Variants in GPD2 observed in about 807,000 individuals in gnomAD.
The protein encoded by GPD2 is glycerol-3-phosphate dehydrogenase 2.
In GPD2, 54 loss-of-function variants were observed where a neutral mutation model predicts 82.4. The observed-to-expected ratio is 0.66, with a 90% confidence interval of 0.53 to 0.82. GPD2 has a LOEUF of 0.82. Ranked by LOEUF, GPD2 falls within the 40% of genes least tolerant of loss-of-function variation. The pLI, the probability that GPD2 is intolerant of heterozygous loss-of-function variation, is 0.00. For synonymous variants in GPD2, 288 were observed against 306.1 expected (o/e 0.94, Z 0.62); for missense variants, 748 against 896.2 (o/e 0.83, Z 2.11).
chr2:156,537,019 G>A (rs1475875770), intron 6 of GPD2, among the ~76,000 whole-genome samples: 2 of 152,176 alleles, frequency 1.3e-5, no homozygotes, highest in South Asian at 2.1e-4. Context: ...ACAGATATGA[G>A]CAGAGTTCTA....
rs568568573 is a variant in GPD2, at chr2:156,478,700, C to T, written c.102+2493C>T. On this transcript the variant is annotated intron_variant, in intron 2 of 16. Coordinates refer to ENST00000438166, the MANE Select transcript of GPD2 (RefSeq NM_000408.5). ...AAAAAAAAATCTGCCCTTTGAGATA[C>T]ATTAATTGGCTACACTTTTGTTTGT... Among the ~76,000 whole-genome samples the T allele has an allele frequency of 3.9e-5, 6 of 152,194 alleles. No homozygotes were observed. In the South Asian group the frequency reaches 8.3e-4, roughly 21 times the overall value.
the GPD2 span, among the ~76,000 whole-genome samples, chr2:156,425,854 G>A: frequency 3.3e-5 from 5 of 151,698 alleles, no homozygotes; most frequent in African/African-American, 7.3e-5. Flanking sequence ...CCGGGTGTGT[G>A]ATAAAAGCAT....
At chr2:156,552,339 T>C (rs1338565676) in intron 8 of GPD2, among the ~76,000 whole-genome samples, 1 of 152,194 alleles carries the variant, frequency 6.6e-6, no homozygotes, top group Non-Finnish European at 1.5e-5. Context: ...TTAGTTCAAA[T>C]GAAAAGGAGA....
chr2:156,579,074 C>A lies in GPD2; in HGVS notation c.1881-12C>A. 1 of 1,585,872 alleles carries A rather than the reference C, an allele frequency of 6.3e-7. No individual in the cohort carries two copies. Among genetic ancestry groups the A allele is most frequent in the South Asian group, 1.1e-5 (1 of 90,456 alleles). ...TAAGTATATTTTTCCATTATTTAAT[C>A]TTGTGTTCCAGGTATAAGAAGAGAT... On this transcript the variant is annotated splice_polypyrimidine_tract_variant and intron_variant, in intron 14 of 16. Coordinates refer to ENST00000438166, the MANE Select transcript of GPD2 (RefSeq NM_000408.5).
intron 6 of GPD2, among the ~76,000 whole-genome samples, chr2:156,524,719 A>G (rs1685540630): frequency 6.6e-6 from 1 of 152,148 alleles, no homozygotes; most frequent in Non-Finnish European, 1.5e-5. Context: ...CAAACTTAAA[A>G]GAGAGGGGAT....
intron 9 of GPD2, among the ~76,000 whole-genome samples, chr2:156,566,995 T>A (rs1687416818): frequency 6.6e-6 from 1 of 152,138 alleles, no homozygotes; most frequent in Admixed American, 6.6e-5. Flanking sequence ...AATGTGCTTA[T>A]TGAGCATTTG....
chr2:156,521,543 A>G (rs574601123), intron 6 of GPD2, among the ~76,000 whole-genome samples: 2 of 152,332 alleles, frequency 1.3e-5, no homozygotes, highest in South Asian at 4.1e-4. Context: ...GATACTCTAT[A>G]GTCCACCAAA....
At chr2:156,503,749 A>G (rs889259699) in intron 3 of GPD2, among the ~76,000 whole-genome samples, 1 of 150,916 alleles carries the variant, frequency 6.6e-6, no homozygotes, top group African/African-American at 2.5e-5. Flanking sequence ...AGTTTCTGAT[A>G]AAATATATAA....
At chr2:156,478,208 C>T (rs1683585441) in intron 2 of GPD2, among the ~76,000 whole-genome samples, 1 of 152,062 alleles carries the variant, frequency 6.6e-6, no homozygotes. Context: ...AAAATCAAGG[C>T]AAAATAAAGA....
chr2:156,434,146 C>T (rs1274093462), upstream of GPD2, among the ~76,000 whole-genome samples: 1 of 152,146 alleles, frequency 6.6e-6, no homozygotes, highest in Non-Finnish European at 1.5e-5. Flanking sequence ...CTCTGTTGCC[C>T]AGGGTGGAGT....
chr2:156,557,266 G>A (rs920283485), intron 8 of GPD2, 123 bp from the exon 9 acceptor site: 5 of 727,322 alleles, frequency 6.9e-6, no homozygotes, highest in Non-Finnish European at 1.2e-5. Context: ...GGAAGTGCAA[G>A]TAATAGTTCA....
chr2:156,477,923 A>G (rs1156720312), intron 2 of GPD2, among the ~76,000 whole-genome samples: 8 of 152,158 alleles, frequency 5.3e-5, no homozygotes, highest in Non-Finnish European at 1.0e-4. Flanking sequence ...TGCCATCTTT[A>G]CTGGTGCTAT....
chr2:156,485,335 C>T (rs993404888), intron 2 of GPD2, among the ~76,000 whole-genome samples: 1 of 152,164 alleles, frequency 6.6e-6, no homozygotes, highest in African/African-American at 2.4e-5. Flanking sequence ...GAGCCATCAG[C>T]GTTATGTCAA....
intron 13 of GPD2, 71 bp downstream of exon 13, chr2:156,571,363 G>A (rs887063973): frequency 5.2e-6 from 5 of 956,186 alleles, no homozygotes; most frequent in Non-Finnish European, 7.7e-6. Context: ...GTTAGTAGAA[G>A]CTAGCGTAGT....
At chr2:156,547,243 G>A (rs1366580407) in intron 6 of GPD2, among the ~76,000 whole-genome samples, 2 of 152,166 alleles carry the variant, frequency 1.3e-5, no homozygotes, top group African/African-American at 2.4e-5. Context: ...AAGATAAAAT[G>A]TTGACCCAGA....
chr2:156,488,396 G>A (rs1354344971), intron 2 of GPD2, among the ~76,000 whole-genome samples: 2 of 152,216 alleles, frequency 1.3e-5, no homozygotes, highest in African/African-American at 2.4e-5. Flanking sequence ...TAAATCTTAC[G>A]ATTCCATCGA....
At chr2:156,405,656 A>G in the GPD2 span, among the ~76,000 whole-genome samples, 7 of 152,314 alleles carry the variant, frequency 4.6e-5, no homozygotes, top group Admixed American at 2.6e-4. Flanking sequence ...CAGTGATTTC[A>G]TTATCCACGT....
At chr2:156,440,278 A>G (rs1682122888) in intron 1 of GPD2, among the ~76,000 whole-genome samples, 1 of 152,232 alleles carries the variant, frequency 6.6e-6, no homozygotes, top group Non-Finnish European at 1.5e-5. Context: ...GAGAAAGACA[A>G]GGGCCAATGT....
At chr2:156,506,303 C>T (rs1336401166) in intron 3 of GPD2, among the ~76,000 whole-genome samples, 2 of 152,164 alleles carry the variant, frequency 1.3e-5, no homozygotes, top group Non-Finnish European at 2.9e-5. Context: ...AGTATCGTTT[C>T]TTTCCAGAAA....
Sources: allele counts gnomAD v4.1 joint callset (sites outside exome capture counted in the v4.1 genomes callset), GRCh38; gene constraint gnomAD v4.1.1; transcripts MANE v1.5; gene names NCBI Gene and HGNC (gene_info 2026-07-23, HGNC 2026-07-21).